The following SLC35B4 variants were observed in gnomAD, a reference collection of about 807,000 sequenced individuals.
SLC35B4 encodes the protein solute carrier family 35 member B4.
SLC35B4 carries 28 observed loss-of-function variants against 39.5 expected under a neutral mutation model. The observed-to-expected ratio is 0.71, with a 90% CI of 0.53 to 0.97. The LOEUF (loss-of-function observed/expected upper bound fraction) is 0.97. Ranked by LOEUF, SLC35B4 falls within the 50% of genes least tolerant of loss-of-function variation. SLC35B4 has a pLI of 0.00. For missense variants in SLC35B4, 334 were observed against 414.3 expected, an observed-to-expected ratio of 0.81 and a Z score of 1.68; for synonymous variants, 145 against 150.4, an observed-to-expected ratio of 0.96 and a Z score of 0.26.
At chr7:134,312,997 C>A (rs1041855368) in intron 1 of SLC35B4, among the ~76,000 whole-genome samples, 1 of 152,158 alleles carries the variant, frequency 6.6e-6, no homozygotes, top group Non-Finnish European at 1.5e-5. Context: ...CCAGCAATAA[C>A]CCTATTCTAC....
intron 2 of SLC35B4, among the ~76,000 whole-genome samples, chr7:134,308,337 T>C (rs1235693443): frequency 6.6e-6 from 1 of 152,122 alleles, no homozygotes; most frequent in Non-Finnish European, 1.5e-5. Context: ...TCCTGATCTA[T>C]GCTAGTGGTG....
In SLC35B4 at chr7:134,296,373, G is replaced by T; in HGVS notation, c.749+18C>A. On this transcript the variant is annotated intron_variant, in intron 9 of 9. Coordinates refer to ENST00000378509, the MANE Select transcript of SLC35B4 (RefSeq NM_032826.5). ...ACCTGATGATGACATAAGGGTGACG[G>T]CACAGTCCAAAGGATACTGAGTGAT... 6.2e-7 allele frequency: 1 copy of T among 1,606,890 alleles called. No individual in the cohort carries two copies. The highest frequency in any genetic ancestry group is 1.1e-5 in the South Asian group (1 of 90,462).
At chr7:134,299,894 T>C (rs1449226944) in intron 7 of SLC35B4, among the ~76,000 whole-genome samples, 1 of 152,172 alleles carries the variant, frequency 6.6e-6, no homozygotes, top group Admixed American at 6.5e-5. Context: ...TTTAAACATA[T>C]AGTCTTTCTG....
intron 8 of SLC35B4, among the ~76,000 whole-genome samples, chr7:134,296,899 G>A (rs1198743678): frequency 6.6e-6 from 1 of 152,210 alleles, no homozygotes; most frequent in African/African-American, 2.4e-5. Context: ...CCATTTTATA[G>A]CTACAAAATT....
intron 1 of SLC35B4, among the ~76,000 whole-genome samples, chr7:134,314,493 CT>C (rs1803924206): frequency 6.6e-6 from 1 of 152,216 alleles, no homozygotes; most frequent in South Asian, 2.1e-4. Flanking sequence ...TATTCCCTGA[CT>C]TTCATTTCCA....
chr7:134,317,928 T>C (rs1804028127), upstream of SLC35B4, among the ~76,000 whole-genome samples: 1 of 152,268 alleles, frequency 6.6e-6, no homozygotes, highest in Admixed American at 6.5e-5. Context: ...TTAGCATCAC[T>C]GCTCAGTATT....
chr7:134,309,309 C>T (rs1585644125), intron 2 of SLC35B4, 57 bp downstream of exon 2: 1 of 952,982 alleles, frequency 1.0e-6, no homozygotes, highest in South Asian at 1.7e-5. Context: ...ATACAGGTAC[C>T]ACCTCTTTAC....
At position 134,294,985 on chromosome 7, in the gene SLC35B4, T is replaced by G. The variant is rs577705251; in HGVS notation, c.844A>C (p.Ile282Leu). Residue 282 changes from isoleucine to leucine, a missense_variant, in exon 10 of 10, where the codon ATC (isoleucine) becomes CTC (leucine). Transcript: ENST00000378509. Reference sequence around the variant, plus strand: ...TTCTGGAAGTACAAGATGGAAAAGATGAGGCTCACAAATTTGCGTAGGGTC... The same window carrying G: ...TTCTGGAAGTACAAGATGGAAAAGAGGAGGCTCACAAATTTGCGTAGGGTC... ...VVTLRKFVSL[I>L]FSILYFQNPF... 2.5e-6 allele frequency: 4 copies of G among 1,614,138 alleles called. No homozygotes were observed. The Admixed American group carries it at 6.7e-5, about 27-fold the overall frequency.
At chr7:134,301,880 A>G in intron 5 of SLC35B4, 59 bp from the exon 6 acceptor site, 1 of 1,543,648 alleles carries the variant, frequency 6.5e-7, no homozygotes, top group African/African-American at 1.4e-5. Context: ...AGGTGCCGAC[A>G]TACAAGGGAA....
At chr7:134,297,293 G>C (rs911956241) in intron 8 of SLC35B4, among the ~76,000 whole-genome samples, 9 of 152,200 alleles carry the variant, frequency 5.9e-5, no homozygotes, top group African/African-American at 2.2e-4. Flanking sequence ...GTTGGTGGCA[G>C]TATAACTTGG....
chr7:134,304,941 G>A (rs1803672224), intron 3 of SLC35B4, 87 bp from the exon 4 acceptor site: 13 of 988,724 alleles, frequency 1.3e-5, no homozygotes, highest in African/African-American at 3.3e-5. Flanking sequence ...ATGGGCAAGG[G>A]GAAAAAACAT....
At position 134,294,324 on chromosome 7, in the gene SLC35B4, G is replaced by C. The variant is rs527515931; in HGVS notation, c.*509C>G. ...AGGAAGTCCAGCCCTGCTGTTACTGGTGTCTCGGTTTACTTGGCCACTCCT... is the reference window on the plus strand; with the variant it reads ...AGGAAGTCCAGCCCTGCTGTTACTGCTGTCTCGGTTTACTTGGCCACTCCT... On this transcript the variant is annotated 3_prime_UTR_variant, in exon 10 of 10. Coordinates refer to ENST00000378509, the MANE Select transcript of SLC35B4 (RefSeq NM_032826.5). The C allele has an allele frequency of 3.9e-5, 6 of 154,900 alleles. No homozygotes were observed. The highest frequency in any genetic ancestry group is 8.6e-5 in the Non-Finnish European group (6 of 69,750). 9.6% of individuals were successfully genotyped at this position (154,900 alleles called of 1,614,324 possible). A position where few individuals can be genotyped will look rare whatever the true frequency, so the allele number is the denominator to read the frequency against.
intron 9 of SLC35B4, 152 bp from the exon 10 acceptor site, chr7:134,295,231 C>A: frequency 1.1e-6 from 1 of 931,398 alleles, no homozygotes; most frequent in South Asian, 1.7e-5. Flanking sequence ...TGGGGAGAAC[C>A]TGCAGAACAA....
intron 1 of SLC35B4, among the ~76,000 whole-genome samples, chr7:134,310,827 G>T (rs1036682447): frequency 1.3e-5 from 2 of 152,062 alleles, no homozygotes; most frequent in Non-Finnish European, 2.9e-5. Flanking sequence ...GATTACAGGC[G>T]TGAGCCACCA....
rs774388283 is a variant in SLC35B4, at chr7:134,304,858, C to A, written c.295-4G>T. 4 of 1,611,174 alleles carry A rather than the reference C, an allele frequency of 2.5e-6. No individual in the cohort carries two copies. Among genetic ancestry groups the A allele is most frequent in the South Asian group, 1.1e-5 (1 of 90,956 alleles). Reference sequence around the variant, plus strand: ...TCATGTTGGCAATTAGAGAACCCTGCAAAAGGAGACAACAGTAACAGAGAG... The same window carrying A: ...TCATGTTGGCAATTAGAGAACCCTGAAAAAGGAGACAACAGTAACAGAGAG... On this transcript the variant is annotated splice_polypyrimidine_tract_variant and splice_region_variant and intron_variant, in intron 3 of 9. Transcript: ENST00000378509.
intron 1 of SLC35B4, among the ~76,000 whole-genome samples, chr7:134,316,004 T>C (rs967890737): frequency 6.6e-6 from 1 of 151,798 alleles, no homozygotes; most frequent in South Asian, 2.1e-4. Flanking sequence ...TTTTTTTTTG[T>C]CTTTTTGCAA....
chr7:134,296,635 A>T (rs1803472545), intron 8 of SLC35B4, among the ~76,000 whole-genome samples, 169 bp from the exon 9 acceptor site: 1 of 152,280 alleles, frequency 6.6e-6, no homozygotes, highest in African/African-American at 2.4e-5. Context: ...AGGCTATAGC[A>T]GCCACTAAAG....
In SLC35B4 at chr7:134,316,820, C is replaced by T; in HGVS notation, c.-69G>A. 1.4e-6 allele frequency: 2 copies of T among 1,463,318 alleles called. No homozygotes were observed. Among genetic ancestry groups the T allele is most frequent in the Non-Finnish European group, 1.9e-6 (2 of 1,076,430 alleles). 90.6% of individuals were successfully genotyped at this position (1,463,318 alleles called of 1,614,324 possible). A position where few individuals can be genotyped will look rare whatever the true frequency, so the allele number is the denominator to read the frequency against. ...CGCCTGTACCGCTACCCCAGGAAGCCGGCCTCCTGCCTCTTCGCTGCGCAG... is the reference window on the plus strand; with the variant it reads ...CGCCTGTACCGCTACCCCAGGAAGCTGGCCTCCTGCCTCTTCGCTGCGCAG... On this transcript the variant is annotated 5_prime_UTR_variant, in exon 1 of 10. Transcript: ENST00000378509.
rs1324871456 is a variant in SLC35B4 at position 134,289,766 on chromosome 7, C to T, written c.*5067G>A. On this transcript the variant is annotated 3_prime_UTR_variant, in exon 10 of 10. Transcript: ENST00000378509. ...ACTGCTCTCTTTGGTTCACAAGAGT[C>T]ATCTATGCATTTCAAAAGATATCAG... 1 of 152,142 alleles carries T rather than the reference C, an allele frequency of 6.6e-6. No homozygotes were observed. Among genetic ancestry groups the T allele is most frequent in the Admixed American group, 6.5e-5 (1 of 15,268 alleles). The allele number at this position is 152,142 out of a possible 1,614,324, so 9.4% of individuals were successfully genotyped here.
Sources: allele counts gnomAD v4.1 joint callset (sites outside exome capture counted in the v4.1 genomes callset), GRCh38; gene constraint gnomAD v4.1.1; transcripts MANE v1.5; gene names NCBI Gene and HGNC (gene_info 2026-07-23, HGNC 2026-07-21).